ZNF532: variants seen among roughly 807,000 people sequenced by gnomAD.
The protein encoded by ZNF532 is zinc finger protein 532.
Under a neutral mutation model 89.3 loss-of-function variants are expected in ZNF532, and 22 were observed. The ratio of observed to expected loss-of-function variants is 0.25; its 90% CI spans 0.18 to 0.35. ZNF532 has a LOEUF of 0.35. Among genes scored for constraint, ZNF532 ranks in the 10% least tolerant of loss-of-function variants. The pLI is 1.00. For synonymous variants in ZNF532, 606 were observed against 649.6 expected, an observed-to-expected ratio of 0.93 and a Z score of 1.02; for missense variants, 1,132 against 1,643.4, an observed-to-expected ratio of 0.69 and a Z score of 5.38.
intron 2 of ZNF532, among the ~76,000 whole-genome samples, chr18:58,909,582 G>A (rs1471163757): frequency 6.6e-6 from 1 of 152,162 alleles, no homozygotes; most frequent in East Asian, 1.9e-4. Context: ...AAAGCCAGGT[G>A]AGCTTGAGGC....
chr18:58,893,624 T>G (rs1175788412), intron 2 of ZNF532, among the ~76,000 whole-genome samples: 1 of 150,320 alleles, frequency 6.7e-6, no homozygotes, highest in East Asian at 2.0e-4. Flanking sequence ...GTCACTGCAC[T>G]TCAATCTGGG....
chr18:58,930,697 C>T (rs571595667), intron 3 of ZNF532, among the ~76,000 whole-genome samples: 2 of 151,276 alleles, frequency 1.3e-5, no homozygotes, highest in East Asian at 3.9e-4. Flanking sequence ...GGACCCCCTT[C>T]AGATACCAAC....
At chr18:58,942,010 T>G (rs1377189486) in intron 5 of ZNF532, among the ~76,000 whole-genome samples, 1 of 140,230 alleles carries the variant, frequency 7.1e-6, no homozygotes, top group African/African-American at 2.6e-5. Context: ...CTTCCTTCTT[T>G]CTTTTCTTTT....
chr18:58,870,177 A>G (rs1171630542), intron 2 of ZNF532, among the ~76,000 whole-genome samples: 2 of 151,420 alleles, frequency 1.3e-5, no homozygotes, highest in Non-Finnish European at 2.9e-5. Flanking sequence ...GAAGTGGGAC[A>G]TGATGTTAAC....
In ZNF532 at chr18:58,920,004, G is replaced by T. The variant is rs755524707; in HGVS notation, c.1717G>T (p.Val573Leu). The change falls in exon 3 of 10, where the codon GTG (valine) becomes TTG (leucine). Residue 573 changes from valine (V) to leucine (L), a missense_variant. This residue lies in a region of ZNF532 where 97 missense variants were observed against 143.7 expected (regional missense o/e 0.68). Coordinates refer to ENST00000591808, the MANE Select transcript of ZNF532 (RefSeq NM_001375912.1). ...PPKKVSRVQVVSSLQSSVVEA... is the reference protein window; with the variant it reads ...PPKKVSRVQVLSSLQSSVVEA... The stretch of plus-strand genomic sequence containing the variant: ...CAAAAAGGTGTCTCGAGTCCAGGTG[G>T]TGTCGTCCTTGCAGAGTTCTGTGGT... 1.9e-6 allele frequency: 3 copies of T among 1,613,732 alleles called. No homozygotes were observed. The highest frequency in any genetic ancestry group is 2.5e-6 in the Non-Finnish European group (3 of 1,179,752).
rs1258629676 is a variant in ZNF532 at position 58,888,896 on chromosome 18, TA to T, written c.-18+23318del. On this transcript the variant is annotated intron_variant, in intron 2 of 9. Coordinates refer to ENST00000591808, the MANE Select transcript of ZNF532 (RefSeq NM_001375912.1). ...ATATATTATATATATATATTTTATA[TA>T]TATATATATATATATAATTCATACA... Among the ~76,000 whole-genome samples the T allele has an allele frequency of 6.2e-5, 4 of 64,590 alleles. 1 individual carries two copies. The highest frequency in any genetic ancestry group is 1.0e-4 in the Non-Finnish European group (4 of 39,156). 42.4% of individuals were successfully genotyped at this position (64,590 alleles called of 152,430 possible). A position where few individuals can be genotyped will look rare whatever the true frequency, so the allele number is the denominator to read the frequency against.
intron 2 of ZNF532, among the ~76,000 whole-genome samples, chr18:58,882,394 C>T (rs1253695139): frequency 6.6e-6 from 1 of 152,114 alleles, no homozygotes; most frequent in Admixed American, 6.5e-5. Flanking sequence ...GCACCTCCCT[C>T]ACATGATAAC....
chr18:58,964,899 A>C (rs1429055242), intron 7 of ZNF532, among the ~76,000 whole-genome samples: 1 of 150,764 alleles, frequency 6.6e-6, no homozygotes, highest in African/African-American at 2.4e-5. Flanking sequence ...GCGCCATCAC[A>C]CCTGGCCTAT....
intron 3 of ZNF532, among the ~76,000 whole-genome samples, chr18:58,926,972 T>C (rs530668819): frequency 7.9e-5 from 12 of 152,348 alleles, no homozygotes; most frequent in Middle Eastern, 3.4e-3. Context: ...TGCATGTAGA[T>C]ATCCTTTTTT....
Position 58,945,734 on chromosome 18 carries a change from T to TA in ZNF532, c.2706-2333_2706-2332insA, listed in dbSNP as rs200037296. ...GGCTATCCTTATTTATTTATTTATTTTTTTTTTTTTTTGAGACGGAGTCTC... is the reference window on the plus strand; with the variant it reads ...GGCTATCCTTATTTATTTATTTATTTATTTTTTTTTTTTGAGACGGAGTCTC... On this transcript the variant is annotated intron_variant, in intron 5 of 9. Coordinates refer to ENST00000591808, the MANE Select transcript of ZNF532 (RefSeq NM_001375912.1). 1.7e-3 allele frequency among the ~76,000 whole-genome samples: 261 copies of TA among 149,956 alleles called. 1 individual carries two copies. Among genetic ancestry groups the TA allele is most frequent in the African/African-American group, 2.6e-3 (106 of 40,678 alleles).
chr18:58,973,382 G>A (rs868541749), intron 7 of ZNF532, among the ~76,000 whole-genome samples: 8 of 152,184 alleles, frequency 5.3e-5, no homozygotes, highest in Non-Finnish European at 8.8e-5. Context: ...GATTACAGGC[G>A]TGAGCCACTG....
chr18:58,882,392 C>G lies in ZNF532; in HGVS notation c.-18+16813C>G, dbSNP rs1006318337. On this transcript the variant is annotated intron_variant, in intron 2 of 9. Coordinates refer to ENST00000591808, the MANE Select transcript of ZNF532 (RefSeq NM_001375912.1). ...AGGAAAATGGGCTGGAAGCACCTCCCTCACATGATAACTATAGGATGCATG... is the reference window on the plus strand; with the variant it reads ...AGGAAAATGGGCTGGAAGCACCTCCGTCACATGATAACTATAGGATGCATG... 2.6e-4 allele frequency among the ~76,000 whole-genome samples: 40 copies of G among 152,112 alleles called. 1 individual carries two copies. The highest frequency in any genetic ancestry group is 8.9e-4 in the African/African-American group (37 of 41,418).
intron 2 of ZNF532, among the ~76,000 whole-genome samples, chr18:58,872,698 C>CTTTTTTTTTT (rs146289274): frequency 1.4e-5 from 2 of 138,594 alleles, no homozygotes; most frequent in Non-Finnish European, 3.2e-5. Flanking sequence ...CAACATTTAT[C>CTTTTTTTTTT]TTTTTTTTTT....
intron 7 of ZNF532, among the ~76,000 whole-genome samples, chr18:58,961,583 C>T (rs756686297): frequency 1.3e-5 from 2 of 152,016 alleles, no homozygotes; most frequent in Non-Finnish European, 2.9e-5. Context: ...CCGCGTGTAC[C>T]GCAAAGGGGA....
rs577360415 is a variant in ZNF532, at chr18:58,974,945, C to T, written c.3151-4110C>T. On this transcript the variant is annotated intron_variant, in intron 7 of 9. Transcript: ENST00000591808. ...CTGACAAAGTCTTGAGTGTTGTCTC[C>T]GTGACTCCATTTTTGCTAGAGGCCC... Among the ~76,000 whole-genome samples the T allele has an allele frequency of 5.9e-5, 9 of 152,258 alleles. No homozygotes were observed. The South Asian group carries it at 8.3e-4, about 14-fold the overall frequency.
chr18:58,954,347 C>G, intron 7 of ZNF532: 1 of 761,010 alleles, frequency 1.3e-6, no homozygotes, highest in Non-Finnish European at 1.6e-6. Flanking sequence ...AAGTATATGT[C>G]TCCAACTGAT....
intron 2 of ZNF532, among the ~76,000 whole-genome samples, chr18:58,900,356 T>C (rs952355021): frequency 1.3e-5 from 2 of 152,230 alleles, no homozygotes; most frequent in African/African-American, 2.4e-5. Flanking sequence ...CTCTCTGTTC[T>C]GGTTTCTGTC....
intron 7 of ZNF532, among the ~76,000 whole-genome samples, chr18:58,976,214 G>A (rs189918440): frequency 2.0e-5 from 3 of 152,280 alleles, no homozygotes; most frequent in Non-Finnish European, 2.9e-5. Flanking sequence ...TTGAATTGCA[G>A]AGTTCATTTC....
chr18:58,885,129 C>T lies in ZNF532; in HGVS notation c.-18+19550C>T, dbSNP rs1417734871. On this transcript the variant is annotated intron_variant, in intron 2 of 9. Transcript: ENST00000591808. ...TCAGCCTTCCGAGTAGCTGGGATTG[C>T]AGGCATGTGCCACCACGCCTGGCTA... 2.0e-5 allele frequency among the ~76,000 whole-genome samples: 3 copies of T among 152,100 alleles called. No individual in the cohort carries two copies. In the East Asian group the frequency reaches 5.8e-4, roughly 29 times the overall value.
Sources: gnomAD v4.1 joint callset for allele counts (sites outside exome capture counted in the v4.1 genomes callset) on GRCh38, gnomAD v4.1.1 for gene constraint, gnomAD v4.1.1 regional missense constraint, MANE v1.5 for transcripts, NCBI Gene and HGNC (gene_info 2026-07-23, HGNC 2026-07-21) for gene names.